Variants in ARHGEF16 observed in about 807,000 individuals in gnomAD.
ARHGEF16 encodes Rho guanine nucleotide exchange factor 16.
A neutral mutation model predicts 74.1 loss-of-function variants in ARHGEF16; 59 were observed. That is an observed-to-expected ratio of 0.80 (90% CI 0.65 to 0.99). The LOEUF (loss-of-function observed/expected upper bound fraction) is 0.99, where lower values mean the gene tolerates loss of function less well. Ranked by LOEUF, ARHGEF16 falls within the 50% of genes least tolerant of loss-of-function variation. The pLI is 0.00. For missense variants in ARHGEF16, 948 were observed against 986.6 expected (o/e 0.96, Z 0.52); for synonymous variants, 415 against 412.6 (o/e 1.01, Z -0.07).
rs1640023796 is a variant in ARHGEF16 at position 3,480,428 on chromosome 1, CCA to C, written c.1991-18_1991-17del. The C allele has an allele frequency of 6.2e-7, 1 of 1,611,746 alleles. No homozygotes were observed. The highest frequency in any genetic ancestry group is 8.5e-7 in the Non-Finnish European group (1 of 1,179,764). On this transcript the variant is annotated intron_variant, in intron 14 of 14. Transcript: ENST00000378378. ...CCACGGCCTTCCCCTCACCTCCCTC[CCA>C]CCCCTATCCGGGTTCAGGGTGGCTC...
intron 1 of ARHGEF16, among the ~76,000 whole-genome samples, chr1:3,460,113 C>A (rs1198510565): frequency 6.6e-6 from 1 of 152,166 alleles, no homozygotes; most frequent in African/African-American, 2.4e-5. Flanking sequence ...TCCCGAGAGC[C>A]GGCTCCTGGG....
intron 1 of ARHGEF16, among the ~76,000 whole-genome samples, chr1:3,455,105 G>C (rs947551230): frequency 1.3e-5 from 2 of 150,700 alleles, no homozygotes; most frequent in Non-Finnish European, 3.0e-5. Flanking sequence ...GCCCTCTCTT[G>C]ACCCCGAGTG....
chr1:3,470,955 GGTGT>G, intron 6 of ARHGEF16, among the ~76,000 whole-genome samples: 1 of 136,216 alleles, frequency 7.3e-6, no homozygotes, highest in Admixed American at 7.4e-5. Context: ...GGTGTGCGTG[GGTGT>G]GTGTGCCTGG....
At chr1:3,461,126 G>A (rs573393115) in intron 1 of ARHGEF16, among the ~76,000 whole-genome samples, 3 of 152,244 alleles carry the variant, frequency 2.0e-5, no homozygotes, top group Non-Finnish European at 4.4e-5. Context: ...TGTGTGTGAC[G>A]TTCTGGGTGT....
intron 1 of ARHGEF16, among the ~76,000 whole-genome samples, chr1:3,457,587 G>A (rs968303742): frequency 4.0e-5 from 6 of 151,858 alleles, no homozygotes; most frequent in African/African-American, 1.5e-4. Flanking sequence ...GGGGGCAGGA[G>A]GGCGGGGCTA....
chr1:3,474,931 C>G, intron 9 of ARHGEF16, 149 bp downstream of exon 9: 2 of 631,460 alleles, frequency 3.2e-6, no homozygotes, highest in South Asian at 3.8e-5. Context: ...AAGCCTTTCA[C>G]AGCGCTGACA....
Position 3,478,411 on chromosome 1 carries a change from C to G in ARHGEF16, c.1626-13C>G, listed in dbSNP as rs373342200. 1.9e-6 allele frequency: 3 copies of G among 1,580,896 alleles called. No individual in the cohort carries two copies. The highest frequency in any genetic ancestry group is 1.7e-5 in the Admixed American group (1 of 58,444). On this transcript the variant is annotated splice_polypyrimidine_tract_variant and intron_variant, in intron 11 of 14. Coordinates refer to ENST00000378378, the MANE Select transcript of ARHGEF16 (RefSeq NM_014448.4). ...GGGTGGGACCGTCCCACCGACTGCCCGTGTCTCCACAGCGAGGAGAGCTAC... is the reference window on the plus strand; with the variant it reads ...GGGTGGGACCGTCCCACCGACTGCCGGTGTCTCCACAGCGAGGAGAGCTAC...
At chr1:3,457,671 G>T (rs1639296950) in intron 1 of ARHGEF16, among the ~76,000 whole-genome samples, 2 of 152,232 alleles carry the variant, frequency 1.3e-5, no homozygotes, top group African/African-American at 4.8e-5. Flanking sequence ...GACAGGAACG[G>T]ACAGGCTGGG....
chr1:3,467,235 C>G lies in ARHGEF16; in HGVS notation c.702C>G (p.Ile234Met), dbSNP rs975489179. The G allele has an allele frequency of 7.1e-6, 11 of 1,550,582 alleles. No homozygotes were observed. The highest frequency in any genetic ancestry group is 7.8e-6 in the Non-Finnish European group (9 of 1,146,888). The part of the protein sequence containing the change: ...LNTSQESDDD[I>M]LDESSSPEGT... ...CCAGCCAGGAGTCTGATGACGACATCCTCGATGAGTCCTCCAGCCCCGAGG... is the reference window on the plus strand; with the variant it reads ...CCAGCCAGGAGTCTGATGACGACATGCTCGATGAGTCCTCCAGCCCCGAGG... Residue 234 changes from isoleucine to methionine, a missense_variant, in exon 4 of 15, where the codon ATC (isoleucine) becomes ATG (methionine). Physicochemically the swap from Ile to Met is conservative, Grantham distance 10 (BLOSUM62 1). Transcript: ENST00000378378.
intron 1 of ARHGEF16, among the ~76,000 whole-genome samples, chr1:3,459,919 C>T (rs1186490635): frequency 6.6e-6 from 1 of 152,136 alleles, no homozygotes; most frequent in African/African-American, 2.4e-5. Context: ...GTGCCTTTTT[C>T]TGGGAAAAGC....
rs1284520184 is a variant in ARHGEF16, at chr1:3,469,604, G to C, written c.1022+11G>C. 6.2e-6 allele frequency: 10 copies of C among 1,612,346 alleles called. No individual in the cohort carries two copies. The highest frequency in any genetic ancestry group is 8.5e-6 in the Non-Finnish European group (10 of 1,179,902). Reference sequence around the variant, plus strand: ...GGGTGCCAGTCAGAGGTGAGGCCACGCCACAGCCTTCCACACAGGGTCCTC... The same window carrying C: ...GGGTGCCAGTCAGAGGTGAGGCCACCCCACAGCCTTCCACACAGGGTCCTC... On this transcript the variant is annotated intron_variant, in intron 6 of 14. Coordinates refer to ENST00000378378, the MANE Select transcript of ARHGEF16 (RefSeq NM_014448.4).
At position 3,463,438 on chromosome 1, in the gene ARHGEF16, C is replaced by A; in HGVS notation, c.354C>A (p.Ala118=). ...CGGCTGTACTTAGCAGGGAGGCCGC[C>A]CGGCGGGACCCTAAGCTCCTCCCAG... ...FGAAVLSREA[A]RRDPKLLPAP... The change falls in exon 2 of 15, where the codon GCC becomes GCA. Residue 118 remains alanine, a synonymous_variant. Transcript: ENST00000378378. 7 of 1,546,134 alleles carry A rather than the reference C, an allele frequency of 4.5e-6. No homozygotes were observed. The highest frequency in any genetic ancestry group is 6.1e-6 in the Non-Finnish European group (7 of 1,144,560).
chr1:3,467,431 C>G, intron 4 of ARHGEF16, 94 bp downstream of exon 4: 1 of 1,382,226 alleles, frequency 7.2e-7, no homozygotes, highest in Non-Finnish European at 9.6e-7. Flanking sequence ...CGGCTGGTCC[C>G]CAGCAGCAGC....
In ARHGEF16 at chr1:3,467,191, C is replaced by G. The variant is rs201141797; in HGVS notation, c.658C>G (p.Gln220Glu). ...KDDPQLYQEI[Q>E]ERGLNTSQES... Reference sequence around the variant, plus strand: ...AGACCCCCAGCTCTACCAGGAGATCCAGGAGCGGGGCCTGAACACCAGCCA... The same window carrying G: ...AGACCCCCAGCTCTACCAGGAGATCGAGGAGCGGGGCCTGAACACCAGCCA... The change falls in exon 4 of 15, where the codon CAG becomes GAG. Residue 220 changes from glutamine (Q) to glutamate (E), a missense_variant. By Grantham distance (29) the Gln-to-Glu change is conservative. Transcript: ENST00000378378. 13 of 1,550,480 alleles carry G rather than the reference C, an allele frequency of 8.4e-6. No individual in the cohort carries two copies. Among genetic ancestry groups the G allele is most frequent in the Non-Finnish European group, 8.7e-7 (1 of 1,146,820 alleles).
rs1639827120 is a variant in ARHGEF16, at chr1:3,474,489, G to A, written c.1306-219G>A. The stretch of plus-strand genomic sequence containing the variant: ...GGGAAGGGAAGGGTTCCAGGCAGGG[G>A]TGCTAGCTCCTGTTCCCACTCAACC... On this transcript the variant is annotated intron_variant, in intron 8 of 14. Coordinates refer to ENST00000378378, the MANE Select transcript of ARHGEF16 (RefSeq NM_014448.4). 3 of 545,344 alleles carry A rather than the reference G, an allele frequency of 5.5e-6. No homozygotes were observed. In the South Asian group the frequency reaches 7.1e-5, roughly 13 times the overall value. The allele number at this position is 545,344 out of a possible 1,614,324, so 33.8% of individuals were successfully genotyped here.
chr1:3,472,610 CCT>C (rs1357304096), intron 6 of ARHGEF16, among the ~76,000 whole-genome samples: 2 of 152,242 alleles, frequency 1.3e-5, no homozygotes, highest in Non-Finnish European at 2.9e-5. Flanking sequence ...GTGCCTGTCC[CCT>C]GAGTCTCCGT....
rs74050531 is a variant in ARHGEF16, at chr1:3,479,963, G to A, written c.1990+50G>A. 2,026 of 1,569,548 alleles carry A rather than the reference G, an allele frequency of 1.3e-3. 28 individuals are homozygous for A. In the African/African-American group the frequency reaches 0.025, roughly 19 times the overall value. ...GATGGGTGGGAACGGACAGGCGGGCGTGAGTCAGCGTCCAGCCTGGCCAGG... is the reference window on the plus strand; with the variant it reads ...GATGGGTGGGAACGGACAGGCGGGCATGAGTCAGCGTCCAGCCTGGCCAGG... On this transcript the variant is annotated intron_variant, in intron 14 of 14. Transcript: ENST00000378378.
chr1:3,468,851 C>T (rs1314107082), intron 4 of ARHGEF16, 29 bp from the exon 5 acceptor site: 22 of 1,550,168 alleles, frequency 1.4e-5, no homozygotes, highest in African/African-American at 9.6e-5. Context: ...GACGTGTGAC[C>T]GAGAGCTCCT....
chr1:3,471,251 G>A (rs771845856), intron 6 of ARHGEF16, among the ~76,000 whole-genome samples: 17 of 152,208 alleles, frequency 1.1e-4, no homozygotes, highest in South Asian at 4.1e-4. Flanking sequence ...CCTGAGGGGC[G>A]GTGCCTCTGG....
Sources: allele counts gnomAD v4.1 joint callset (sites outside exome capture counted in the v4.1 genomes callset), GRCh38; gene constraint gnomAD v4.1.1; transcripts MANE v1.5; gene names NCBI Gene and HGNC (gene_info 2026-07-23, HGNC 2026-07-21).